The following FUT8 variants were observed in gnomAD, a reference collection of about 807,000 sequenced individuals.
The protein encoded by FUT8 is fucosyltransferase 8, also known as alpha-(1,6)-fucosyltransferase.
Under a neutral mutation model 71.3 loss-of-function variants are expected in FUT8, and 29 were observed. That is an observed-to-expected ratio of 0.41 (90% CI 0.30 to 0.55). FUT8 has a LOEUF of 0.55. FUT8 is among the 20% of genes least tolerant of loss of function. FUT8 has a pLI of 0.34. For missense variants in FUT8, 544 were observed against 702.1 expected, an observed-to-expected ratio of 0.77 and a Z score of 2.55; for synonymous variants, 254 against 239.3, an observed-to-expected ratio of 1.06 and a Z score of -0.57.
At chr14:65,549,858 TAAAGA>T (rs778082103) in intron 2 of FUT8, among the ~76,000 whole-genome samples, 3 of 152,064 alleles carry the variant, frequency 2.0e-5, no homozygotes, top group Non-Finnish European at 2.9e-5. Context: ...GGGTACTTTA[TAAAGA>T]AAAGAGGTTT....
In FUT8 at chr14:65,691,192, A is replaced by G. The variant is rs958024835; in HGVS notation, c.835+21712A>G. On this transcript the variant is annotated intron_variant, in intron 7 of 10. Coordinates refer to ENST00000673929, the MANE Select transcript of FUT8 (RefSeq NM_001371533.1). ...ATGACCATGTCATCTGTGAACAAAGATAGTTTTATGTCTTCCTTCCCAATC... is the reference window on the plus strand; with the variant it reads ...ATGACCATGTCATCTGTGAACAAAGGTAGTTTTATGTCTTCCTTCCCAATC... Among the ~76,000 whole-genome samples, 20 of 151,210 alleles carry G rather than the reference A, an allele frequency of 1.3e-4. 1 individual carries two copies. Among genetic ancestry groups the G allele is most frequent in the Admixed American group, 5.9e-4 (9 of 15,256 alleles).
intron 2 of FUT8, among the ~76,000 whole-genome samples, chr14:65,461,780 G>T (rs2065972224): frequency 6.6e-6 from 1 of 152,190 alleles, no homozygotes; most frequent in Admixed American, 6.5e-5. Flanking sequence ...TTAATCAGGG[G>T]CGGCAGCTGA....
intron 2 of FUT8, among the ~76,000 whole-genome samples, chr14:65,482,955 A>G (rs963054848): frequency 2.0e-4 from 30 of 152,082 alleles, no homozygotes; most frequent in African/African-American, 7.0e-4. Context: ...TTTCTGTAGG[A>G]TGCATGTTTT....
intron 7 of FUT8, among the ~76,000 whole-genome samples, chr14:65,693,137 T>C (rs1305609733): frequency 6.6e-6 from 1 of 152,046 alleles, no homozygotes. Context: ...TCTCGGCACT[T>C]TGGGAGGCCA....
intron 5 of FUT8, among the ~76,000 whole-genome samples, chr14:65,628,155 A>G (rs1889994655): frequency 6.6e-6 from 1 of 152,216 alleles, no homozygotes; most frequent in Admixed American, 6.5e-5. Context: ...GGAGGATCAA[A>G]TAGAAAAGCT....
intron 7 of FUT8, among the ~76,000 whole-genome samples, chr14:65,687,969 G>C (rs1054984184): frequency 1.9e-4 from 29 of 152,176 alleles, no homozygotes; most frequent in Admixed American, 8.5e-4. Flanking sequence ...GCTTGAAGCA[G>C]TTCTTTTGCC....
At chr14:65,524,232 G>A (rs565560308) in intron 2 of FUT8, among the ~76,000 whole-genome samples, 19 of 152,180 alleles carry the variant, frequency 1.2e-4, no homozygotes, top group African/African-American at 4.3e-4. Flanking sequence ...ATTTGTTTAT[G>A]TCCTCTTTTA....
rs1886643700 is a variant in FUT8, at chr14:65,574,337, G to T, written c.203+12571G>T. On this transcript the variant is annotated intron_variant, in intron 3 of 10. Coordinates refer to ENST00000673929, the MANE Select transcript of FUT8 (RefSeq NM_001371533.1). The surrounding 1 kb of genome is among the most constrained non-coding windows in gnomAD (Gnocchi z 5.2). Reference sequence around the variant, plus strand: ...TTCTATTGATTAGAGCAAATCACAGGTCCCATTTACACTTGGGGAGGCGAT... The same window carrying T: ...TTCTATTGATTAGAGCAAATCACAGTTCCCATTTACACTTGGGGAGGCGAT... 6.6e-6 allele frequency among the ~76,000 whole-genome samples: 1 copy of T among 152,038 alleles called. No individual in the cohort carries two copies. The highest frequency in any genetic ancestry group is 2.4e-5 in the African/African-American group (1 of 41,382).
chr14:65,483,343 C>G lies in FUT8; in HGVS notation c.-228+27625C>G, dbSNP rs1019159853. On this transcript the variant is annotated intron_variant, in intron 2 of 10. Transcript: ENST00000673929. The surrounding 1 kb of genome is among the most constrained non-coding windows in gnomAD (Gnocchi z 4.4). The stretch of plus-strand genomic sequence containing the variant: ...ACTCTTAAGAGTTCTCTTTATTTCT[C>G]ATTAGTTAATTAGCTGTTTCTCCAA... Among the ~76,000 whole-genome samples the G allele has an allele frequency of 6.6e-6, 1 of 152,204 alleles. No homozygotes were observed. The highest frequency in any genetic ancestry group is 2.4e-5 in the African/African-American group (1 of 41,460).
chr14:65,402,117 C>T, the FUT8 span, among the ~76,000 whole-genome samples: 7 of 150,774 alleles, frequency 4.6e-5, no homozygotes, highest in Non-Finnish European at 8.8e-5. Flanking sequence ...GGTCCTTGCA[C>T]TTTAAAGAGC....
chr14:65,374,485 C>A, the FUT8 span, among the ~76,000 whole-genome samples: 1 of 152,198 alleles, frequency 6.6e-6, no homozygotes, highest in Non-Finnish European at 1.5e-5. Flanking sequence ...GATATGAGTT[C>A]TTTGGCTTTC....
At chr14:65,569,070 G>A (rs534713160) in intron 3 of FUT8, among the ~76,000 whole-genome samples, 173 of 151,564 alleles carry the variant, frequency 1.1e-3, no homozygotes, top group African/African-American at 3.8e-3. Flanking sequence ...ATTGATTCCT[G>A]CCTTTCATAG....
At chr14:65,651,923 G>C (rs961331697) in intron 6 of FUT8, among the ~76,000 whole-genome samples, 5 of 152,162 alleles carry the variant, frequency 3.3e-5, no homozygotes, top group African/African-American at 9.7e-5. Flanking sequence ...CTTCATATTT[G>C]TATCATTGAA....
chr14:65,493,264 G>A (rs745860039), intron 2 of FUT8, among the ~76,000 whole-genome samples: 2 of 152,070 alleles, frequency 1.3e-5, no homozygotes, highest in African/African-American at 2.4e-5. Context: ...TTAGCTTGAC[G>A]GCTTTTTATA....
At chr14:65,373,788 T>G in the FUT8 span, among the ~76,000 whole-genome samples, 1,249 of 152,298 alleles carry the variant, frequency 8.2e-3, 46 homozygotes, top group Admixed American at 0.065. Context: ...GCCTAGCTGC[T>G]AATGCGCCAA....
intron 6 of FUT8, among the ~76,000 whole-genome samples, chr14:65,634,165 G>A (rs1255434669): frequency 3.3e-5 from 5 of 151,982 alleles, no homozygotes; most frequent in East Asian, 1.9e-4. Flanking sequence ...GATGGTTGCC[G>A]TGTCTGTGTA....
At chr14:65,721,616 C>G (rs148564435) in intron 7 of FUT8, among the ~76,000 whole-genome samples, 159 bp from the exon 8 acceptor site, 1 of 152,234 alleles carries the variant, frequency 6.6e-6, no homozygotes, top group East Asian at 1.9e-4. Context: ...CACTTTTGCT[C>G]TGGTATTTCG....
chr14:65,675,660 T>C (rs117601804), intron 7 of FUT8, among the ~76,000 whole-genome samples: 219 of 152,290 alleles, frequency 1.4e-3, no homozygotes, highest in Non-Finnish European at 2.5e-3. Flanking sequence ...CTAGGTTATT[T>C]ACACAGTGCC....
chr14:65,498,098 A>AT (rs575618927), intron 2 of FUT8, among the ~76,000 whole-genome samples: 2 of 152,252 alleles, frequency 1.3e-5, no homozygotes, highest in South Asian at 4.1e-4. Flanking sequence ...GTTTTCTACT[A>AT]TTGCTTTGCT....
Sources: allele counts gnomAD v4.1 joint callset (sites outside exome capture counted in the v4.1 genomes callset), GRCh38; gene constraint gnomAD v4.1.1; non-coding constraint Gnocchi (gnomAD v3.1); transcripts MANE v1.5; gene names NCBI Gene and HGNC (gene_info 2026-07-23, HGNC 2026-07-21).